PCDHA4: variants seen among roughly 807,000 people sequenced by gnomAD.
The protein encoded by PCDHA4 is protocadherin alpha-4.
A neutral mutation model predicts 61.4 loss-of-function variants in PCDHA4; 49 were observed. The ratio of observed to expected loss-of-function variants is 0.80; its 90% CI spans 0.63 to 1.01. The LOEUF (loss-of-function observed/expected upper bound fraction) is 1.01. Among genes scored for constraint, PCDHA4 ranks in the 50% least tolerant of loss-of-function variants. The pLI, the probability that PCDHA4 is intolerant of heterozygous loss-of-function variation, is 0.00. For synonymous variants in PCDHA4, 590 were observed against 550.3 expected (o/e 1.07, Z -1.01); for missense variants, 1,254 against 1,235.8 (o/e 1.01, Z -0.22).
intron 1 of PCDHA4, chr5:140,870,842 T>G (rs781830221): frequency 6.2e-7 from 1 of 1,613,798 alleles, no homozygotes; most frequent in Non-Finnish European, 8.5e-7. Flanking sequence ...AACAAGCTAG[T>G]ACCGCGGTCG....
In PCDHA4 at chr5:141,009,850, C is replaced by A; in HGVS notation, c.2757C>A (p.Thr919=). The A allele has an allele frequency of 1.2e-6, 2 of 1,613,572 alleles. No individual in the cohort carries two copies. Among genetic ancestry groups the A allele is most frequent in the Non-Finnish European group, 1.7e-6 (2 of 1,179,906 alleles). ...DFITFGKKEE[T]KKKKKKKKGN... ...TAACCTTCGGCAAAAAGGAGGAGAC[C>A]AAGAAAAAGAAGAAAAAGAAGAAGG... The change falls in exon 4 of 4, where the codon ACC becomes ACA. Residue 919 remains threonine (T), a synonymous_variant. Coordinates refer to ENST00000530339, the MANE Select transcript of PCDHA4 (RefSeq NM_018907.4).
intron 3 of PCDHA4, among the ~76,000 whole-genome samples, chr5:141,003,892 C>T (rs1401621234): frequency 6.6e-6 from 1 of 152,124 alleles, no homozygotes; most frequent in South Asian, 2.1e-4. Context: ...TCTTAACAGG[C>T]CCATTCATTT....
At chr5:140,828,491 C>G in intron 1 of PCDHA4, 2 of 1,614,194 alleles carry the variant, frequency 1.2e-6, no homozygotes, top group Non-Finnish European at 1.7e-6. Context: ...GCCCTTGTTC[C>G]CGGTAGAGGA....
chr5:140,845,330 G>T (rs782598822), intron 1 of PCDHA4, among the ~76,000 whole-genome samples: 1 of 149,276 alleles, frequency 6.7e-6, no homozygotes, highest in African/African-American at 2.5e-5. Context: ...TTTAATTACT[G>T]AATTCTCCTA....
At chr5:140,917,495 AATG>A (rs1391932074) in intron 1 of PCDHA4, among the ~76,000 whole-genome samples, 1 of 152,174 alleles carries the variant, frequency 6.6e-6, no homozygotes, top group Non-Finnish European at 1.5e-5. Flanking sequence ...CTATGCCCAG[AATG>A]ATATTTTCTA....
chr5:140,906,878 C>T (rs557095374), intron 1 of PCDHA4, among the ~76,000 whole-genome samples: 1 of 152,332 alleles, frequency 6.6e-6, no homozygotes, highest in East Asian at 1.9e-4. Context: ...AACACTGTAA[C>T]TTCCTTCTTA....
At chr5:140,827,465 T>C (rs2150147677) in intron 1 of PCDHA4, among the ~76,000 whole-genome samples, 16 of 152,372 alleles carry the variant, frequency 1.1e-4, no homozygotes, top group Admixed American at 2.6e-4. Context: ...GAGCATCTGA[T>C]ATTTATTGAA....
chr5:140,972,406 A>T (rs75214457), intron 1 of PCDHA4, among the ~76,000 whole-genome samples: 3,555 of 151,374 alleles, frequency 0.023, 73 homozygotes, highest in Middle Eastern at 0.055. Flanking sequence ...CTATTGGCAA[A>T]CCCTGTTAAG....
intron 1 of PCDHA4, among the ~76,000 whole-genome samples, chr5:140,952,816 C>T (rs2094802630): frequency 6.6e-6 from 1 of 152,134 alleles, no homozygotes; most frequent in South Asian, 2.1e-4. Context: ...GCAGGCTGTA[C>T]AGGAAGCATG....
intron 1 of PCDHA4, chr5:140,829,309 G>A (rs2150165707): frequency 1.1e-5 from 17 of 1,614,252 alleles, no homozygotes; most frequent in Non-Finnish European, 1.4e-5. Context: ...ATTACTACTC[G>A]TTGGTGCTGG....
chr5:140,933,050 C>T (rs2088825990), intron 1 of PCDHA4, among the ~76,000 whole-genome samples: 1 of 152,018 alleles, frequency 6.6e-6, no homozygotes, highest in Admixed American at 6.5e-5. Context: ...GGATTACAGT[C>T]CAGGATCCTG....
chr5:140,856,904 C>A, intron 1 of PCDHA4: 2 of 1,596,242 alleles, frequency 1.3e-6, no homozygotes, highest in Non-Finnish European at 1.7e-6. Context: ...TTTGGTCCCA[C>A]CCACGATAAG....
At chr5:140,941,215 C>CTTTCTTTCTTTCTT (rs2092887387) in intron 1 of PCDHA4, among the ~76,000 whole-genome samples, 1 of 104,510 alleles carries the variant, frequency 9.6e-6, no homozygotes, top group African/African-American at 3.7e-5. Context: ...TTCTTTCTTC[C>CTTTCTTTCTTTCTT]TTTCTTTCTT....
intron 1 of PCDHA4, chr5:140,928,751 C>T (rs1387564129): frequency 6.2e-7 from 1 of 1,614,180 alleles, no homozygotes; most frequent in Non-Finnish European, 8.5e-7. Flanking sequence ...GAGCTCCGTA[C>T]TGCTCGCTTA....
intron 1 of PCDHA4, chr5:140,849,824 G>C: frequency 6.3e-7 from 1 of 1,598,646 alleles, no homozygotes; most frequent in East Asian, 2.2e-5. Context: ...GGGTGTCTGT[G>C]GAGGTGGCCG....
chr5:140,807,818 G>A lies in PCDHA4; in HGVS notation c.631G>A (p.Val211Met). 6.2e-7 allele frequency: 1 copy of A among 1,614,106 alleles called. No homozygotes were observed. Among genetic ancestry groups the A allele is most frequent in the Non-Finnish European group, 8.5e-7 (1 of 1,180,040 alleles). ...AGAAGAAGCTCCGGAGATTTTTTTA[G>A]TGCTCACAGCCACTGATGGAGGCAA... ...DREEAPEIFL[V>M]LTATDGGKPE... The change falls in exon 1 of 4, where the codon GTG becomes ATG. Residue 211 changes from valine to methionine, a missense_variant. Transcript: ENST00000530339.
rs782699904 is a variant in PCDHA4 at position 140,969,414 on chromosome 5, G to A, written c.2386-9535G>A. The A allele has an allele frequency of 6.4e-6, 10 of 1,566,012 alleles. No homozygotes were observed. The Admixed American group carries it at 1.3e-4, about 21-fold the overall frequency. On this transcript the variant is annotated intron_variant, in intron 1 of 3. Coordinates refer to ENST00000530339, the MANE Select transcript of PCDHA4 (RefSeq NM_018907.4). ...ATATCCTGTGATTTGGCTTTATTGA[G>A]TCATTAACAGTGACAAGAGTTATCT...
chr5:140,849,589 T>G, intron 1 of PCDHA4: 1 of 1,598,710 alleles, frequency 6.3e-7, no homozygotes, highest in Non-Finnish European at 8.6e-7. Context: ...GACGCACAAC[T>G]GGGGACAGTT....
At chr5:140,938,507 C>T (rs2092094259) in intron 1 of PCDHA4, among the ~76,000 whole-genome samples, 1 of 151,846 alleles carries the variant, frequency 6.6e-6, no homozygotes, top group Admixed American at 6.6e-5. Flanking sequence ...GAATTTATCA[C>T]ATATTTTCTG....
Sources: gnomAD v4.1 joint callset for allele counts (sites outside exome capture counted in the v4.1 genomes callset) on GRCh38, gnomAD v4.1.1 for gene constraint, MANE v1.5 for transcripts, NCBI Gene and HGNC (gene_info 2026-07-23, HGNC 2026-07-21) for gene names.